The following NPNT variants were observed in gnomAD, a reference collection of about 807,000 sequenced individuals.
The protein encoded by NPNT is nephronectin, also known as preosteoblast EGF-like repeat protein with MAM domain.
A neutral mutation model predicts 68.6 loss-of-function variants in NPNT; 45 were observed. That is an observed-to-expected ratio of 0.66 (90% CI 0.52 to 0.84). The LOEUF is 0.84. NPNT is among the 40% of genes least tolerant of loss of function. The pLI, the probability that NPNT is intolerant of heterozygous loss-of-function variation, is 0.00. For missense variants in NPNT, 672 were observed against 714.8 expected (o/e 0.94, Z 0.68); for synonymous variants, 233 against 253.3 (o/e 0.92, Z 0.76).
chr4:105,934,783 G>A (rs1729381854), intron 3 of NPNT, among the ~76,000 whole-genome samples: 1 of 151,970 alleles, frequency 6.6e-6, no homozygotes, highest in Admixed American at 6.6e-5. Flanking sequence ...TTGGACTCAT[G>A]ACAGCACATT....
At chr4:105,952,672 C>T (rs1730925008) in intron 8 of NPNT, among the ~76,000 whole-genome samples, 1 of 152,182 alleles carries the variant, frequency 6.6e-6, no homozygotes, top group South Asian at 2.1e-4. Flanking sequence ...AGTTCAGACC[C>T]TATTTTAATT....
Position 105,970,506 on chromosome 4 carries a change from T to C in NPNT, c.*1516T>C, listed in dbSNP as rs549883175. The C allele has an allele frequency of 2.9e-6, 2 of 689,828 alleles. No homozygotes were observed. The highest frequency in any genetic ancestry group is 3.5e-5 in the African/African-American group (2 of 57,152). The allele number at this position is 689,828 out of a possible 1,614,324, so 42.7% of individuals were successfully genotyped here. Reference sequence around the variant, plus strand: ...GCAAACCATTGATGGTTTTCAAGTATATGAAGGGTTGGCACAGAGAGGGTG... The same window carrying C: ...GCAAACCATTGATGGTTTTCAAGTACATGAAGGGTTGGCACAGAGAGGGTG... On this transcript the variant is annotated 3_prime_UTR_variant, in exon 12 of 12. Transcript: ENST00000379987.
rs998558378 is a variant in NPNT at position 105,967,232 on chromosome 4, A to G, written c.1390A>G (p.Lys464Glu). ...GTCGGCAGCCAAAGCCCCAGGGGGA[A>G]AAGCTGCACGCTTGGTGCTACCTCT... ...TVSAAKAPGG[K>E]AARLVLPLGR... The change falls in exon 11 of 12, where the codon AAA becomes GAA. Residue 464 changes from lysine to glutamate, a missense_variant. Coordinates refer to ENST00000379987, the MANE Select transcript of NPNT (RefSeq NM_001033047.3). 3.7e-6 allele frequency: 6 copies of G among 1,613,874 alleles called. No homozygotes were observed. The African/African-American group carries it at 5.3e-5, about 14-fold the overall frequency.
rs1338589765 is a variant in NPNT, at chr4:105,895,631, G to C, written c.-22G>C. Reference sequence around the variant, plus strand: ...TGTTCCTCGCGCGCCACTGCGCTGCGCCCCAGGACCCGCTGCCCAACATGG... The same window carrying C: ...TGTTCCTCGCGCGCCACTGCGCTGCCCCCCAGGACCCGCTGCCCAACATGG... On this transcript the variant is annotated 5_prime_UTR_variant, in exon 1 of 12. Transcript: ENST00000379987. 2 of 1,547,288 alleles carry C rather than the reference G, an allele frequency of 1.3e-6. No individual in the cohort carries two copies. Among genetic ancestry groups the C allele is most frequent in the Non-Finnish European group, 1.7e-6 (2 of 1,145,648 alleles).
intron 8 of NPNT, among the ~76,000 whole-genome samples, chr4:105,953,995 C>G (rs1288507513): frequency 6.6e-6 from 1 of 152,174 alleles, no homozygotes. Context: ...ATTTACTTCT[C>G]TGTGCTTACT....
intron 2 of NPNT, among the ~76,000 whole-genome samples, chr4:105,903,509 T>C (rs1726597902): frequency 6.6e-6 from 1 of 152,240 alleles, no homozygotes; most frequent in Non-Finnish European, 1.5e-5. Flanking sequence ...TGCAATATTT[T>C]AAATTTTTCC....
intron 8 of NPNT, among the ~76,000 whole-genome samples, chr4:105,948,194 T>G (rs950947499): frequency 1.1e-4 from 16 of 152,204 alleles, no homozygotes; most frequent in African/African-American, 3.9e-4. Context: ...AATATACTTC[T>G]AAATTTTAAG....
intron 10 of NPNT, among the ~76,000 whole-genome samples, chr4:105,965,346 G>A (rs867109429): frequency 1.2e-4 from 15 of 121,368 alleles, no homozygotes; most frequent in Middle Eastern, 5.2e-3. Context: ...CAAAGGGAAC[G>A]AATTCTTCAT....
intron 1 of NPNT, 54 bp downstream of exon 1, chr4:105,895,777 A>G: frequency 7.0e-7 from 1 of 1,435,674 alleles, no homozygotes; most frequent in Non-Finnish European, 9.6e-7. Context: ...TTTCACACTC[A>G]CTGTCTTGGG....
Position 105,958,427 on chromosome 4 carries a change from T to TCACA in NPNT, c.1160-29_1160-26dup, listed in dbSNP as rs112811203. The TCACA allele has an allele frequency of 1.1e-4, 120 of 1,114,020 alleles. 1 individual carries two copies. In the East Asian group the frequency reaches 1.5e-3, roughly 14 times the overall value. The allele number at this position is 1,114,020 out of a possible 1,614,324, so 69.0% of individuals were successfully genotyped here. On this transcript the variant is annotated intron_variant, in intron 8 of 11. Transcript: ENST00000379987. ...AAGGTAATGCCTCTTTATCAATACTTCACACACACACACACACAAAAACTC... is the reference window on the plus strand; with the variant it reads ...AAGGTAATGCCTCTTTATCAATACTTCACACACACACACACACACACAAAAACTC...
intron 2 of NPNT, among the ~76,000 whole-genome samples, chr4:105,906,521 G>C (rs542790611): frequency 6.6e-6 from 1 of 152,218 alleles, no homozygotes; most frequent in African/African-American, 2.4e-5. Context: ...ATACAGCCCA[G>C]AATATCTAGC....
chr4:105,911,945 A>G (rs1259665970), intron 2 of NPNT: 1 of 461,560 alleles, frequency 2.2e-6, no homozygotes, highest in Non-Finnish European at 3.8e-6. Context: ...TTTGGACTAT[A>G]GAAGAATAGC....
intron 2 of NPNT, among the ~76,000 whole-genome samples, chr4:105,916,012 C>A (rs1727787380): frequency 6.6e-6 from 1 of 152,164 alleles, no homozygotes; most frequent in African/African-American, 2.4e-5. Context: ...GAAAAAAAAT[C>A]TTTCCAGTTT....
chr4:105,908,054 T>A (rs371659206), intron 2 of NPNT, among the ~76,000 whole-genome samples: 2 of 152,154 alleles, frequency 1.3e-5, no homozygotes, highest in East Asian at 3.8e-4. Context: ...AATCAACCTG[T>A]TATTCTTAAC....
intron 2 of NPNT, among the ~76,000 whole-genome samples, chr4:105,923,272 G>T (rs1728398142): frequency 1.3e-5 from 2 of 151,994 alleles, no homozygotes; most frequent in African/African-American, 4.8e-5. Flanking sequence ...GTTTTGAAAT[G>T]GTTATGCACT....
At chr4:105,945,807 T>G (rs1324219839) in intron 8 of NPNT, among the ~76,000 whole-genome samples, 1 of 152,208 alleles carries the variant, frequency 6.6e-6, no homozygotes, top group East Asian at 1.9e-4. Context: ...TTTCCTCTAG[T>G]GCTTTTACTG....
chr4:105,959,624 G>A (rs534668331), intron 10 of NPNT, among the ~76,000 whole-genome samples: 2 of 150,824 alleles, frequency 1.3e-5, no homozygotes, highest in Non-Finnish European at 2.9e-5. Context: ...TCTAACTTGG[G>A]TGCTGAAGGA....
At chr4:105,915,382 G>T (rs149500199) in intron 2 of NPNT, among the ~76,000 whole-genome samples, 3 of 152,144 alleles carry the variant, frequency 2.0e-5, no homozygotes, top group Admixed American at 6.6e-5. Context: ...GCAGTGGCGG[G>T]GGGGCACATG....
chr4:105,939,592 G>GAT (rs916370934), intron 5 of NPNT, among the ~76,000 whole-genome samples: 9 of 152,188 alleles, frequency 5.9e-5, no homozygotes, highest in Admixed American at 1.3e-4. Flanking sequence ...AGTTGGGTTG[G>GAT]ATATGCTTTG....
Sources: gnomAD v4.1 joint callset for allele counts (sites outside exome capture counted in the v4.1 genomes callset) on GRCh38, gnomAD v4.1.1 for gene constraint, MANE v1.5 for transcripts, NCBI Gene and HGNC (gene_info 2026-07-23, HGNC 2026-07-21) for gene names.